Variants in ZNF618 observed in about 807,000 individuals in gnomAD.
ZNF618 encodes the protein zinc finger protein 618.
Under a neutral mutation model 103.0 loss-of-function variants are expected in ZNF618, and 34 were observed. That is an observed-to-expected ratio of 0.33 (90% CI 0.25 to 0.44). The LOEUF is 0.44. ZNF618 is among the 20% of genes least tolerant of loss of function. The pLI is 1.00. For missense variants in ZNF618, 1,059 were observed against 1,295.4 expected, an observed-to-expected ratio of 0.82 and a Z score of 2.80; for synonymous variants, 551 against 542.2, an observed-to-expected ratio of 1.02 and a Z score of -0.23.
rs563834002 is a variant in ZNF618, at chr9:114,048,129, C to T, written c.1348+135C>T. On this transcript the variant is annotated intron_variant, in intron 14 of 14. Coordinates refer to ENST00000374126, the MANE Select transcript of ZNF618 (RefSeq NM_001318042.2). ...CATGATAGTTTCCAAAGCACTTTTA[C>T]ACCTAAGACCTTATTTGCAGGAGTT... 2.4e-4 allele frequency: 182 copies of T among 762,810 alleles called. No homozygotes were observed. The Middle Eastern group carries it at 8.4e-3, about 35-fold the overall frequency. The allele number at this position is 762,810 out of a possible 1,614,324, so 47.3% of individuals were successfully genotyped here. A position where few individuals can be genotyped will look rare whatever the true frequency, so the allele number is the denominator to read the frequency against.
At chr9:113,995,646 C>G (rs2133467311) in intron 3 of ZNF618, among the ~76,000 whole-genome samples, 1 of 152,284 alleles carries the variant, frequency 6.6e-6, no homozygotes, top group South Asian at 2.1e-4. Flanking sequence ...ACACAGGGGT[C>G]TATCATCAGA....
chr9:113,881,804 A>G (rs575392354), intron 1 of ZNF618, among the ~76,000 whole-genome samples: 3 of 152,320 alleles, frequency 2.0e-5, no homozygotes, highest in South Asian at 2.1e-4. Flanking sequence ...TTCCATCCAT[A>G]TAGCTCTCCT....
chr9:114,025,993 A>G (rs1477505086), intron 10 of ZNF618, among the ~76,000 whole-genome samples: 2 of 152,180 alleles, frequency 1.3e-5, no homozygotes, highest in Non-Finnish European at 2.9e-5. Context: ...GGAGAGAGCC[A>G]TTGTTCAAAG....
intron 1 of ZNF618, among the ~76,000 whole-genome samples, chr9:113,914,296 T>C (rs1831851226): frequency 6.6e-6 from 1 of 152,164 alleles, no homozygotes; most frequent in African/African-American, 2.4e-5. Flanking sequence ...TGTTCCAGGA[T>C]CCCAGAGGCC....
chr9:113,999,523 G>A (rs1840972503), intron 4 of ZNF618, among the ~76,000 whole-genome samples: 1 of 152,212 alleles, frequency 6.6e-6, no homozygotes, highest in South Asian at 2.1e-4. Flanking sequence ...AGGCTGAGGA[G>A]CCATCATGCC....
chr9:113,895,463 CGTTTTGT>C (rs1829959953), intron 1 of ZNF618, among the ~76,000 whole-genome samples: 1 of 151,954 alleles, frequency 6.6e-6, no homozygotes, highest in African/African-American at 2.4e-5. Flanking sequence ...CAATTTGCAG[CGTTTTGT>C]GTCTATATCC....
chr9:113,931,388 C>A (rs530079504), intron 1 of ZNF618, among the ~76,000 whole-genome samples: 7 of 152,266 alleles, frequency 4.6e-5, no homozygotes, highest in African/African-American at 1.4e-4. Context: ...GCAGAAGGGA[C>A]AGCATGTGCC....
Position 114,052,410 on chromosome 9 carries a change from TATCAG to T in ZNF618, c.*2245_*2249del, listed in dbSNP as rs1846194059. The T allele has an allele frequency of 6.6e-6, 1 of 152,604 alleles. No homozygotes were observed. The highest frequency in any genetic ancestry group is 2.1e-4 in the South Asian group (1 of 4,818). The allele number at this position is 152,604 out of a possible 1,614,324, so 9.5% of individuals were successfully genotyped here. A position where few individuals can be genotyped will look rare whatever the true frequency, so the allele number is the denominator to read the frequency against. Reference sequence around the variant, plus strand: ...TTCCAACTGGGGGACTGAGCCCACTTATCAGAGAAGAGCCGCCATCCACACTGGAG... The same window carrying T: ...TTCCAACTGGGGGACTGAGCCCACTTAGAAGAGCCGCCATCCACACTGGAG... On this transcript the variant is annotated 3_prime_UTR_variant, in exon 15 of 15. Transcript: ENST00000374126.
chr9:113,958,039 T>C (rs1045449397), intron 1 of ZNF618, among the ~76,000 whole-genome samples: 3 of 152,068 alleles, frequency 2.0e-5, no homozygotes, highest in African/African-American at 7.2e-5. Context: ...CTTTTGTAAA[T>C]TGAGAGATTA....
chr9:113,934,465 G>A (rs1833867622), intron 1 of ZNF618, among the ~76,000 whole-genome samples: 1 of 152,162 alleles, frequency 6.6e-6, no homozygotes, highest in Non-Finnish European at 1.5e-5. Flanking sequence ...AGGAGTAAAT[G>A]GACAAAACAC....
intron 10 of ZNF618, among the ~76,000 whole-genome samples, chr9:114,022,835 CAGTT>C (rs1843191255): frequency 6.6e-6 from 1 of 152,020 alleles, no homozygotes; most frequent in African/African-American, 2.4e-5. Flanking sequence ...TAGGTACACA[CAGTT>C]AGCATCATTA....
chr9:113,883,115 T>C (rs1426377054), intron 1 of ZNF618, among the ~76,000 whole-genome samples: 1 of 152,222 alleles, frequency 6.6e-6, no homozygotes, highest in African/African-American at 2.4e-5. Context: ...CTCAGATCAG[T>C]GGGCTTTGGG....
At chr9:113,938,829 C>A (rs556710213) in intron 1 of ZNF618, among the ~76,000 whole-genome samples, 33 of 152,110 alleles carry the variant, frequency 2.2e-4, no homozygotes, top group Non-Finnish European at 3.7e-4. Context: ...CTCAGCCTCC[C>A]GAAGTGCTGG....
chr9:114,008,392 T>C lies in ZNF618; in HGVS notation c.676+13T>C. Reference sequence around the variant, plus strand: ...GAGAACCGGGCAGGTAAGTCCTTGGTGTCTGCTTGTCACCTCCCCTGTCCC... The same window carrying C: ...GAGAACCGGGCAGGTAAGTCCTTGGCGTCTGCTTGTCACCTCCCCTGTCCC... On this transcript the variant is annotated intron_variant, in intron 8 of 14. Coordinates refer to ENST00000374126, the MANE Select transcript of ZNF618 (RefSeq NM_001318042.2). The C allele has an allele frequency of 6.2e-7, 1 of 1,613,974 alleles. No individual in the cohort carries two copies. Among genetic ancestry groups the C allele is most frequent in the Non-Finnish European group, 8.5e-7 (1 of 1,179,868 alleles).
At chr9:113,958,324 G>A (rs1836512730) in intron 1 of ZNF618, among the ~76,000 whole-genome samples, 1 of 152,142 alleles carries the variant, frequency 6.6e-6, no homozygotes, top group Non-Finnish European at 1.5e-5. Context: ...ATGGGGACTG[G>A]TGACATCCCC....
chr9:113,953,522 A>T (rs954643435), intron 1 of ZNF618, among the ~76,000 whole-genome samples: 2 of 152,202 alleles, frequency 1.3e-5, no homozygotes, highest in Non-Finnish European at 2.9e-5. Context: ...TGTTAGTGTA[A>T]ACTTTATGTA....
At chr9:113,979,785 C>T (rs750951902) in intron 2 of ZNF618, among the ~76,000 whole-genome samples, 39 of 152,184 alleles carry the variant, frequency 2.6e-4, no homozygotes, top group Admixed American at 9.2e-4. Flanking sequence ...CTCTAGCTCA[C>T]GTTCTAGTTG....
intron 2 of ZNF618, among the ~76,000 whole-genome samples, chr9:113,973,770 A>T (rs1418774075): frequency 2.6e-5 from 4 of 152,214 alleles, no homozygotes; most frequent in Non-Finnish European, 5.9e-5. Flanking sequence ...TTGTATGTAA[A>T]TATATCTATT....
chr9:113,895,138 A>T (rs2131107855), intron 1 of ZNF618, among the ~76,000 whole-genome samples: 1 of 152,152 alleles, frequency 6.6e-6, no homozygotes, highest in South Asian at 2.1e-4. Flanking sequence ...TTTTATTTTT[A>T]AAATTTGTGA....
Sources: allele counts gnomAD v4.1 joint callset (sites outside exome capture counted in the v4.1 genomes callset), GRCh38; gene constraint gnomAD v4.1.1; transcripts MANE v1.5; gene names NCBI Gene and HGNC (gene_info 2026-07-23, HGNC 2026-07-21).